PCDH9: variants seen among roughly 807,000 people sequenced by gnomAD.
PCDH9 encodes protocadherin 9.
In PCDH9, 24 loss-of-function variants were observed where a neutral mutation model predicts 70.6. That is an observed-to-expected ratio of 0.34 (90% confidence interval 0.25 to 0.48). PCDH9 has a LOEUF of 0.48. Ranked by LOEUF, PCDH9 falls within the 20% of genes least tolerant of loss-of-function variation. The pLI is 0.99. For synonymous variants in PCDH9, 562 were observed against 558.5 expected, an observed-to-expected ratio of 1.01 and a Z score of -0.09; for missense variants, 1,281 against 1,503.6, an observed-to-expected ratio of 0.85 and a Z score of 2.45.
intron 2 of PCDH9, among the ~76,000 whole-genome samples, chr13:66,931,625 T>G (rs1380043630): frequency 6.6e-6 from 1 of 152,118 alleles, no homozygotes; most frequent in Non-Finnish European, 1.5e-5. Context: ...GAATTTCTAA[T>G]GCATTGTAGT....
intron 4 of PCDH9, among the ~76,000 whole-genome samples, chr13:66,625,636 C>T (rs983932492): frequency 2.0e-5 from 3 of 147,544 alleles, no homozygotes; most frequent in Non-Finnish European, 4.5e-5. Flanking sequence ...TTTGCCTACT[C>T]CACTTTTGGC....
At chr13:66,574,781 G>C (rs1332149437) in intron 4 of PCDH9, among the ~76,000 whole-genome samples, 1 of 152,098 alleles carries the variant, frequency 6.6e-6, no homozygotes, top group African/African-American at 2.4e-5. Context: ...TGTGGCTTCT[G>C]CCCTTGACTG....
intron 4 of PCDH9, among the ~76,000 whole-genome samples, chr13:66,445,107 A>G (rs1958047479): frequency 6.8e-6 from 1 of 147,282 alleles, no homozygotes; most frequent in African/African-American, 2.5e-5. Flanking sequence ...TATAATGTAT[A>G]TTATATAATT....
At chr13:67,035,049 T>G (rs2084983122) in intron 2 of PCDH9, among the ~76,000 whole-genome samples, 1 of 152,122 alleles carries the variant, frequency 6.6e-6, no homozygotes. Flanking sequence ...TGTTATATAA[T>G]GCTTAAAGAA....
chr13:67,125,821 A>G (rs1473990258), intron 2 of PCDH9, among the ~76,000 whole-genome samples: 1 of 146,514 alleles, frequency 6.8e-6, no homozygotes, highest in Non-Finnish European at 1.5e-5. Flanking sequence ...TAATTAATTT[A>G]AAAATGTGTG....
At chr13:67,220,527 G>T (rs1022003807) in intron 2 of PCDH9, 2 of 151,882 alleles carry the variant, frequency 1.3e-5, no homozygotes, top group East Asian at 3.8e-4. Context: ...TAAATAATAA[G>T]AATATGTTTA....
chr13:67,217,486 A>G (rs538622631), intron 2 of PCDH9: 1 of 152,198 alleles, frequency 6.6e-6, no homozygotes, highest in East Asian at 1.9e-4. Context: ...TTTATATCTA[A>G]CAGGGCTAGT....
At chr13:67,100,628 T>A (rs967753966) in intron 2 of PCDH9, among the ~76,000 whole-genome samples, 2 of 152,216 alleles carry the variant, frequency 1.3e-5, no homozygotes, top group Admixed American at 1.3e-4. Context: ...ACCTCAGCTT[T>A]ACCAAAAATT....
intron 4 of PCDH9, among the ~76,000 whole-genome samples, chr13:66,397,277 G>T (rs1957116097): frequency 6.6e-6 from 1 of 151,952 alleles, no homozygotes; most frequent in Non-Finnish European, 1.5e-5. Context: ...AAAGTATCTG[G>T]GCATAGTGGC....
chr13:66,918,439 A>C (rs558123251), intron 2 of PCDH9, among the ~76,000 whole-genome samples: 1 of 151,194 alleles, frequency 6.6e-6, no homozygotes, highest in East Asian at 1.9e-4. Flanking sequence ...CATTATTAAG[A>C]CTCTCTTTTT....
intron 3 of PCDH9, among the ~76,000 whole-genome samples, chr13:66,697,711 T>G (rs923161445): frequency 1.3e-5 from 2 of 152,122 alleles, no homozygotes; most frequent in African/African-American, 4.8e-5. Context: ...GCCTCTATAG[T>G]AAGATGGTTC....
chr13:66,608,610 G>C (rs901749546), intron 4 of PCDH9, among the ~76,000 whole-genome samples: 2 of 151,840 alleles, frequency 1.3e-5, no homozygotes, highest in Admixed American at 1.3e-4. Context: ...AAAGGGAATA[G>C]ACAGAGTTTG....
intron 4 of PCDH9, among the ~76,000 whole-genome samples, chr13:66,327,782 C>T (rs1365321022): frequency 6.6e-6 from 1 of 152,112 alleles, no homozygotes; most frequent in Non-Finnish European, 1.5e-5. Flanking sequence ...GATAAATGTA[C>T]TAGGTGAAAA....
At chr13:66,897,450 T>C (rs1208454656) in intron 3 of PCDH9, among the ~76,000 whole-genome samples, 2 of 152,100 alleles carry the variant, frequency 1.3e-5, no homozygotes, top group African/African-American at 2.4e-5. Context: ...TTAAGGAACA[T>C]ATTGATGGCC....
chr13:66,580,313 A>C (rs2076873053), intron 4 of PCDH9, among the ~76,000 whole-genome samples: 2 of 151,944 alleles, frequency 1.3e-5, no homozygotes, highest in Non-Finnish European at 2.9e-5. Flanking sequence ...TTATTTTCTT[A>C]CTAGGTTGTT....
At chr13:67,103,451 T>C (rs1225743083) in intron 2 of PCDH9, among the ~76,000 whole-genome samples, 1 of 152,206 alleles carries the variant, frequency 6.6e-6, no homozygotes, top group Non-Finnish European at 1.5e-5. Context: ...CAATAGAATG[T>C]ATATATTGCC....
intron 4 of PCDH9, among the ~76,000 whole-genome samples, chr13:66,565,792 T>C (rs1465708024): frequency 1.3e-5 from 2 of 152,138 alleles, no homozygotes; most frequent in African/African-American, 4.8e-5. Flanking sequence ...TTCAACAACA[T>C]TGGTCTGTTA....
intron 2 of PCDH9, chr13:67,206,009 T>C (rs1055236740): frequency 6.6e-6 from 1 of 152,128 alleles, no homozygotes; most frequent in African/African-American, 2.4e-5. Flanking sequence ...CCTGGATATT[T>C]TTTGTATTTT....
chr13:67,101,377 T>G (rs899571732), intron 2 of PCDH9, among the ~76,000 whole-genome samples: 1 of 152,224 alleles, frequency 6.6e-6, no homozygotes, highest in Non-Finnish European at 1.5e-5. Context: ...TATTTTATAT[T>G]TCAGCTTTTC....
Sources: allele counts gnomAD v4.1 joint callset (sites outside exome capture counted in the v4.1 genomes callset), GRCh38; gene constraint gnomAD v4.1.1; transcripts MANE v1.5; gene names NCBI Gene and HGNC (gene_info 2026-07-23, HGNC 2026-07-21).